DOCK8: variants seen among roughly 807,000 people sequenced by gnomAD.
DOCK8 encodes the protein dedicator of cytokinesis 8.
Under a neutral mutation model 245.6 loss-of-function variants are expected in DOCK8, and 141 were observed. That is an observed-to-expected ratio of 0.57 (90% CI 0.50 to 0.66). The LOEUF (loss-of-function observed/expected upper bound fraction) is 0.66, where lower values mean the gene tolerates loss of function less well. Ranked by LOEUF, DOCK8 falls within the 30% of genes least tolerant of loss-of-function variation. The pLI is 0.00. For missense variants in DOCK8, 2,965 were observed against 2,603.4 expected, an observed-to-expected ratio of 1.14 and a Z score of -3.02; for synonymous variants, 1,168 against 970.2, an observed-to-expected ratio of 1.20 and a Z score of -3.79.
intron 19 of DOCK8, among the ~76,000 whole-genome samples, chr9:376,536 G>T (rs999060908): frequency 5.3e-5 from 8 of 152,176 alleles, no homozygotes; most frequent in African/African-American, 1.7e-4. Context: ...TGCACTGTTG[G>T]TGGAGAAACT....
At chr9:442,109 A>G (rs1357011191) in intron 42 of DOCK8, 100 bp downstream of exon 42, 13 of 1,513,290 alleles carry the variant, frequency 8.6e-6, no homozygotes, top group Non-Finnish European at 7.2e-6. Context: ...TTATGGATTC[A>G]TCATTGATCT....
At chr9:399,408 T>C in intron 26 of DOCK8, 149 bp downstream of exon 26, 2 of 697,464 alleles carry the variant, frequency 2.9e-6, no homozygotes, top group Middle Eastern at 3.7e-4. Flanking sequence ...GTCCCTCATG[T>C]CTGTGCCATG....
At chr9:381,271 C>T (rs1249834682) in intron 21 of DOCK8, 1 of 152,152 alleles carries the variant, frequency 6.6e-6, no homozygotes, top group Non-Finnish European at 1.5e-5. Flanking sequence ...ATTTGATAAT[C>T]CCTCACTGGT....
chr9:432,639 G>C (rs2056759796), intron 37 of DOCK8, among the ~76,000 whole-genome samples: 1 of 152,156 alleles, frequency 6.6e-6, no homozygotes, highest in Non-Finnish European at 1.5e-5. Context: ...AAGGTTAGAG[G>C]AAGAGAGGTC....
At chr9:435,549 G>C (rs1408140443) in intron 39 of DOCK8, among the ~76,000 whole-genome samples, 1 of 152,208 alleles carries the variant, frequency 6.6e-6, no homozygotes, top group African/African-American at 2.4e-5. Flanking sequence ...TTGGATAAAT[G>C]ATTTTCCTCC....
intron 14 of DOCK8, among the ~76,000 whole-genome samples, chr9:353,445 A>C (rs1434357268): frequency 6.6e-6 from 1 of 152,236 alleles, no homozygotes; most frequent in Admixed American, 6.5e-5. Flanking sequence ...TGTTTCTTTA[A>C]ATGGGTAGAG....
chr9:430,734 GA>G (rs1250399452), intron 36 of DOCK8, among the ~76,000 whole-genome samples: 3 of 152,066 alleles, frequency 2.0e-5, no homozygotes, highest in South Asian at 2.1e-4. Context: ...ATCTGTGGGG[GA>G]AAAAATACAA....
At chr9:363,327 G>A (rs759812997) in intron 14 of DOCK8, among the ~76,000 whole-genome samples, 10 of 152,278 alleles carry the variant, frequency 6.6e-5, no homozygotes, top group Admixed American at 2.0e-4. Flanking sequence ...GTCATGGGCT[G>A]TCTTCTCAAA....
chr9:417,367 TC>T (rs2056072862), intron 29 of DOCK8, among the ~76,000 whole-genome samples: 1 of 152,230 alleles, frequency 6.6e-6, no homozygotes, highest in African/African-American at 2.4e-5. Context: ...CTCAAATTTT[TC>T]TAAATAATTG....
At chr9:451,459 C>T (rs1587099606) in intron 45 of DOCK8, among the ~76,000 whole-genome samples, 1 of 151,732 alleles carries the variant, frequency 6.6e-6, no homozygotes. Context: ...CCCATCACTA[C>T]AAAAAAATAC....
chr9:303,781 C>A lies in DOCK8; in HGVS notation c.405-800C>A, dbSNP rs1035356815. Among the ~76,000 whole-genome samples the A allele has an allele frequency of 2.0e-5, 3 of 152,164 alleles. 1 individual carries two copies. The East Asian group carries it at 5.8e-4, about 29-fold the overall frequency. ...CATGTAATGAATTTGCACATGTATC[C>A]CTTGAACCTAAAATAAAAGTTGGAA... is the stretch of plus-strand genomic sequence containing the variant. On this transcript the variant is annotated intron_variant, in intron 4 of 47. Coordinates refer to ENST00000432829, the MANE Select transcript of DOCK8 (RefSeq NM_203447.4).
chr9:299,172 AT>A (rs909025174), intron 4 of DOCK8, among the ~76,000 whole-genome samples: 2 of 151,640 alleles, frequency 1.3e-5, no homozygotes, highest in African/African-American at 2.4e-5. Context: ...GATCACACAG[AT>A]TTTTTTTTCT....
intron 1 of DOCK8, among the ~76,000 whole-genome samples, chr9:249,691 C>T (rs1484108581): frequency 1.3e-5 from 2 of 152,084 alleles, no homozygotes; most frequent in Non-Finnish European, 2.9e-5. Context: ...AATCTTGGCT[C>T]ACTGCAACCT....
At chr9:336,433 C>T in intron 11 of DOCK8, 149 bp from the exon 12 acceptor site, 1 of 1,074,110 alleles carries the variant, frequency 9.3e-7, no homozygotes, top group Non-Finnish European at 1.4e-6. Context: ...AAGGTAGGGG[C>T]CAATGGAAGG....
intron 20 of DOCK8, 101 bp from the exon 21 acceptor site, chr9:379,667 TTGG>T: frequency 1.6e-6 from 2 of 1,288,202 alleles, no homozygotes; most frequent in Non-Finnish European, 2.2e-6. Context: ...CCTAGTTAAA[TTGG>T]TCAGCGGTCA....
At chr9:275,598 G>A (rs74441592) in intron 2 of DOCK8, among the ~76,000 whole-genome samples, 1,763 of 152,192 alleles carry the variant, frequency 0.012, 35 homozygotes, top group African/African-American at 0.04. Context: ...AAATTTTAAT[G>A]TATTTTTTGA....
intron 1 of DOCK8, among the ~76,000 whole-genome samples, chr9:225,117 G>A (rs896662342): frequency 2.0e-5 from 3 of 152,098 alleles, no homozygotes; most frequent in African/African-American, 4.8e-5. Context: ...TAGGTATTAC[G>A]GGAGATTCAA....
intron 1 of DOCK8, among the ~76,000 whole-genome samples, chr9:248,500 C>G (rs1246917061): frequency 6.6e-6 from 1 of 151,542 alleles, no homozygotes; most frequent in African/African-American, 2.4e-5. Context: ...TTCTTCCTTC[C>G]TTGCCTCCTT....
At chr9:361,494 C>A (rs1450310343) in intron 14 of DOCK8, among the ~76,000 whole-genome samples, 1 of 152,218 alleles carries the variant, frequency 6.6e-6, no homozygotes, top group Non-Finnish European at 1.5e-5. Flanking sequence ...TAAGACCTGG[C>A]TCCAGCCGTT....
Sources: gnomAD v4.1 joint callset for allele counts (sites outside exome capture counted in the v4.1 genomes callset) on GRCh38, gnomAD v4.1.1 for gene constraint, MANE v1.5 for transcripts, NCBI Gene and HGNC (gene_info 2026-07-23, HGNC 2026-07-21) for gene names.